The following NAALADL2 variants were observed in gnomAD, a reference collection of about 807,000 sequenced individuals.
NAALADL2 encodes the protein inactive N-acetylated-alpha-linked acidic dipeptidase-like protein 2.
Under a neutral mutation model 87.2 loss-of-function variants are expected in NAALADL2, and 76 were observed. The ratio of observed to expected loss-of-function variants is 0.87; its 90% CI spans 0.72 to 1.05. NAALADL2 has a LOEUF of 1.05. NAALADL2 is among the 50% of genes least tolerant of loss of function. The probability of loss-of-function intolerance (pLI) is 0.00; values close to 1 mark genes in which losing one functional copy is unlikely to be tolerated. For missense variants in NAALADL2, 1,089 were observed against 945.8 expected (o/e 1.15, Z -1.99); for synonymous variants, 354 against 331.0 (o/e 1.07, Z -0.75).
intron 1 of NAALADL2, among the ~76,000 whole-genome samples, chr3:174,922,888 T>G (rs1267551111): frequency 6.6e-6 from 1 of 152,232 alleles, no homozygotes; most frequent in East Asian, 1.9e-4. Context: ...TATGTCTTTT[T>G]GCTGGTGGTA....
chr3:174,920,409 G>C (rs767765182), intron 1 of NAALADL2, among the ~76,000 whole-genome samples: 9 of 152,160 alleles, frequency 5.9e-5, no homozygotes, highest in Non-Finnish European at 1.2e-4. Flanking sequence ...GTACTTCTAT[G>C]TTATAGCGAT....
At chr3:175,518,755 T>C (rs1732232298) in intron 9 of NAALADL2, among the ~76,000 whole-genome samples, 1 of 152,214 alleles carries the variant, frequency 6.6e-6, no homozygotes, top group African/African-American at 2.4e-5. Context: ...AACCCATTCA[T>C]GAGGGCAGAA....
In NAALADL2 at chr3:175,031,856, A is replaced by G. The variant is rs143727915; in HGVS notation, c.44-64934A>G. On this transcript the variant is annotated intron_variant, in intron 1 of 13. Coordinates refer to ENST00000454872, the MANE Select transcript of NAALADL2 (RefSeq NM_207015.3). ...CTCATTGCGGTTTTGATTTGCATTT[A>G]TCTGATGTTAGTGATGTTGAGCATT... 3.9e-3 allele frequency among the ~76,000 whole-genome samples: 593 copies of G among 151,888 alleles called. 7 individuals are homozygous for G. The highest frequency in any genetic ancestry group is 0.014 in the African/African-American group (569 of 41,488).
intron 9 of NAALADL2, among the ~76,000 whole-genome samples, chr3:175,509,779 G>A (rs1489351888): frequency 6.6e-6 from 1 of 152,166 alleles, no homozygotes; most frequent in African/African-American, 2.4e-5. Context: ...CGCAGAGCTG[G>A]GGAGTCCTCA....
intron 1 of NAALADL2, among the ~76,000 whole-genome samples, chr3:174,958,878 A>T (rs1560413167): frequency 2.0e-5 from 3 of 152,072 alleles, no homozygotes; most frequent in Non-Finnish European, 2.9e-5. Flanking sequence ...GATTGCTTAT[A>T]TTAGGTTTGT....
intron 2 of NAALADL2, among the ~76,000 whole-genome samples, chr3:174,690,850 C>G (rs1728509250): frequency 6.6e-6 from 1 of 152,220 alleles, no homozygotes; most frequent in South Asian, 2.1e-4. Flanking sequence ...AATTGATGCT[C>G]TAAATGGGTA....
rs879449763 is a variant in NAALADL2, at chr3:175,475,022, AG to A, written c.1653+3265del. 7.4e-3 allele frequency among the ~76,000 whole-genome samples: 1,076 copies of A among 144,528 alleles called. 53 individuals carry two copies. Among genetic ancestry groups the A allele is most frequent in the Admixed American group, 0.066 (975 of 14,878 alleles). 94.8% of individuals were successfully genotyped at this position (144,528 alleles called of 152,430 possible). ...ACATTCTTTCATGCACAAACATTTA[AG>A]TACACACACACACACACACACACAC... On this transcript the variant is annotated intron_variant, in intron 9 of 13. Coordinates refer to ENST00000454872, the MANE Select transcript of NAALADL2 (RefSeq NM_207015.3).
chr3:175,359,298 C>CT (rs566247735), intron 5 of NAALADL2, among the ~76,000 whole-genome samples: 1 of 151,954 alleles, frequency 6.6e-6, no homozygotes, highest in African/African-American at 2.4e-5. Context: ...GAGCATTACA[C>CT]TTTTTTTGCA....
intron 5 of NAALADL2, among the ~76,000 whole-genome samples, chr3:175,336,606 C>T (rs955869465): frequency 6.6e-6 from 1 of 152,274 alleles, no homozygotes; most frequent in East Asian, 1.9e-4. Flanking sequence ...GGTGCACCTG[C>T]TTATGAGTCA....
intron 1 of NAALADL2, among the ~76,000 whole-genome samples, chr3:175,078,723 A>AGAT (rs1717135077): frequency 6.6e-6 from 1 of 152,196 alleles, no homozygotes. Context: ...TCACGTAGGA[A>AGAT]GATGTTTTTG....
intron 5 of NAALADL2, among the ~76,000 whole-genome samples, chr3:175,376,016 T>C (rs1471013080): frequency 6.6e-6 from 1 of 152,152 alleles, no homozygotes; most frequent in Non-Finnish European, 1.5e-5. Flanking sequence ...ATATATAATG[T>C]AAAAACTTCA....
At chr3:174,492,481 A>G (rs1578017989) in intron 1 of NAALADL2, among the ~76,000 whole-genome samples, 1 of 152,130 alleles carries the variant, frequency 6.6e-6, no homozygotes, top group African/African-American at 2.4e-5. Context: ...ACCTTGATGA[A>G]TATAATTTTG....
chr3:175,214,595 T>G (rs1463180470), intron 2 of NAALADL2, among the ~76,000 whole-genome samples: 2 of 135,882 alleles, frequency 1.5e-5, no homozygotes, highest in African/African-American at 5.0e-5. Flanking sequence ...AAATCAGATG[T>G]CATCAGAAAA....
At chr3:175,088,349 T>C in intron 1 of NAALADL2, among the ~76,000 whole-genome samples, 1 of 152,220 alleles carries the variant, frequency 6.6e-6, no homozygotes, top group East Asian at 1.9e-4. Context: ...AGACATACTG[T>C]GCAAATGTGT....
intron 1 of NAALADL2, among the ~76,000 whole-genome samples, chr3:175,086,153 T>C (rs932444484): frequency 2.0e-5 from 3 of 152,194 alleles, no homozygotes; most frequent in Admixed American, 6.5e-5. Context: ...TTTGGAATGA[T>C]AGAGGAAAAC....
chr3:174,785,418 T>C (rs1023193559), intron 3 of NAALADL2, among the ~76,000 whole-genome samples: 3 of 152,196 alleles, frequency 2.0e-5, no homozygotes, highest in Non-Finnish European at 4.4e-5. Context: ...CCATTGCTTA[T>C]TTTTGTCAAA....
chr3:174,630,715 G>A (rs768665006), intron 2 of NAALADL2, among the ~76,000 whole-genome samples: 2 of 152,264 alleles, frequency 1.3e-5, no homozygotes, highest in Admixed American at 6.5e-5. Flanking sequence ...TAAGGAATTT[G>A]TCAAAGAGAA....
At chr3:174,749,665 CAT>C (rs973289764) in intron 3 of NAALADL2, among the ~76,000 whole-genome samples, 2 of 152,056 alleles carry the variant, frequency 1.3e-5, no homozygotes, top group Non-Finnish European at 2.9e-5. Flanking sequence ...TAATATTTTG[CAT>C]TTTGAGGTGG....
At chr3:175,465,845 G>A (rs1723937498) in intron 7 of NAALADL2, among the ~76,000 whole-genome samples, 1 of 152,188 alleles carries the variant, frequency 6.6e-6, no homozygotes, top group South Asian at 2.1e-4. Flanking sequence ...TCTTCATACT[G>A]TGGCATTTCT....
Sources: allele counts gnomAD v4.1 joint callset (sites outside exome capture counted in the v4.1 genomes callset), GRCh38; gene constraint gnomAD v4.1.1; transcripts MANE v1.5; gene names NCBI Gene and HGNC (gene_info 2026-07-23, HGNC 2026-07-21).